The following ROBO2 variants were observed in gnomAD, a reference collection of about 807,000 sequenced individuals.
ROBO2 encodes the protein roundabout guidance receptor 2, also known as roundabout homolog 2.
Under a neutral mutation model 160.8 loss-of-function variants are expected in ROBO2, and 53 were observed. That is an observed-to-expected ratio of 0.33 (90% CI 0.26 to 0.41). ROBO2 has a LOEUF of 0.41. Among genes scored for constraint, ROBO2 ranks in the 10% least tolerant of loss-of-function variants. The pLI is 1.00. For synonymous variants in ROBO2, 664 were observed against 611.7 expected (o/e 1.09, Z -1.26); for missense variants, 1,577 against 1,722.4 (o/e 0.92, Z 1.49).
At chr3:76,222,485 C>T (rs1165454142) in intron 2 of ROBO2, among the ~76,000 whole-genome samples, 2 of 151,948 alleles carry the variant, frequency 1.3e-5, no homozygotes, top group Non-Finnish European at 2.9e-5. Context: ...CCCGCCCAAC[C>T]CTTGAGATCT....
At chr3:77,264,225 G>A (rs2058975375) in intron 2 of ROBO2, among the ~76,000 whole-genome samples, 1 of 152,180 alleles carries the variant, frequency 6.6e-6, no homozygotes, top group African/African-American at 2.4e-5. Context: ...TATATAAGTA[G>A]TTATAAAAAC....
chr3:77,562,685 C>T, exon 10 of ROBO2: 2 of 1,612,680 alleles, frequency 1.2e-6, no homozygotes, highest in African/African-American at 1.3e-5. Context: ...TGTGTGGCTA[C>T]AAGTTCAAGT....
intron 2 of ROBO2, among the ~76,000 whole-genome samples, chr3:76,683,470 A>AC (rs1314428517): frequency 6.6e-6 from 1 of 151,366 alleles, no homozygotes; most frequent in Non-Finnish European, 1.5e-5. Context: ...ACCGAAAAAA[A>AC]AAAAAAAAAA....
intron 2 of ROBO2, among the ~76,000 whole-genome samples, chr3:77,320,888 A>C (rs1229123955): frequency 6.6e-6 from 1 of 152,132 alleles, no homozygotes; most frequent in Non-Finnish European, 1.5e-5. Context: ...ACTAAAATCG[A>C]GTTTCCTAAA....
intron 2 of ROBO2, among the ~76,000 whole-genome samples, chr3:77,263,349 C>G (rs967911893): frequency 6.6e-6 from 1 of 152,054 alleles, no homozygotes; most frequent in Non-Finnish European, 1.5e-5. Context: ...TATTTCATCA[C>G]CCAAATATTA....
chr3:76,259,349 A>T (rs930362750), intron 2 of ROBO2, among the ~76,000 whole-genome samples: 1 of 152,132 alleles, frequency 6.6e-6, no homozygotes, highest in Non-Finnish European at 1.5e-5. Context: ...TATGAAGTGT[A>T]AAGTTTATTC....
At chr3:76,441,949 C>G (rs2076942206) in intron 2 of ROBO2, among the ~76,000 whole-genome samples, 1 of 151,974 alleles carries the variant, frequency 6.6e-6, no homozygotes, top group South Asian at 2.1e-4. Flanking sequence ...ACAGAGGAAG[C>G]AAGAAAGAAG....
chr3:76,227,448 G>T (rs907699216), intron 2 of ROBO2, among the ~76,000 whole-genome samples: 1 of 152,024 alleles, frequency 6.6e-6, no homozygotes, highest in Non-Finnish European at 1.5e-5. Context: ...TACATACTTT[G>T]TACACCTCAA....
chr3:76,477,356 G>T (rs1280942722), intron 2 of ROBO2, among the ~76,000 whole-genome samples: 1 of 152,118 alleles, frequency 6.6e-6, no homozygotes, highest in Admixed American at 6.6e-5. Flanking sequence ...TTATAAATCA[G>T]ATGATTATAA....
intron 2 of ROBO2, among the ~76,000 whole-genome samples, chr3:77,151,381 C>A (rs544904891): frequency 6.6e-6 from 1 of 152,076 alleles, no homozygotes; most frequent in African/African-American, 2.4e-5. Flanking sequence ...ATAGGAATCC[C>A]TTACTTAAGG....
intron 2 of ROBO2, among the ~76,000 whole-genome samples, chr3:76,817,554 A>G (rs2065779911): frequency 6.6e-6 from 1 of 151,996 alleles, no homozygotes; most frequent in Non-Finnish European, 1.5e-5. Flanking sequence ...TACATGAATA[A>G]GTTTTTGGTG....
In ROBO2 at chr3:76,829,080, A is replaced by T. The variant is rs2066835461; in HGVS notation, c.110-268934A>T. Among the ~76,000 whole-genome samples, 2 of 152,002 alleles carry T rather than the reference A, an allele frequency of 1.3e-5. 1 individual carries two copies. Among genetic ancestry groups the T allele is most frequent in the South Asian group, 4.1e-4 (2 of 4,824 alleles). On this transcript the variant is annotated intron_variant, in intron 2 of 26. Coordinates refer to the ROBO2 transcript ENST00000487694. The stretch of plus-strand genomic sequence containing the variant: ...CCCTTTCTCTTTCCTCTAAGACCAC[A>T]TCTGAGTAGTTCCATTCCAATTACA...
chr3:77,642,924 C>G (rs2095369295), intron 24 of ROBO2: 1 of 456,438 alleles, frequency 2.2e-6, no homozygotes, highest in African/African-American at 2.0e-5. Context: ...AAGCCCCACA[C>G]AAACAAGGTG....
intron 2 of ROBO2, among the ~76,000 whole-genome samples, chr3:76,914,243 T>A (rs942295318): frequency 1.3e-5 from 2 of 152,174 alleles, no homozygotes; most frequent in Admixed American, 1.3e-4. Flanking sequence ...TTAAATAGAT[T>A]GCACACATCT....
chr3:76,057,348 G>A (rs571831309), intron 2 of ROBO2, among the ~76,000 whole-genome samples: 1 of 152,204 alleles, frequency 6.6e-6, no homozygotes, highest in East Asian at 1.9e-4. Flanking sequence ...TACCTCAGGA[G>A]GAACAAAGCT....
intron 2 of ROBO2, among the ~76,000 whole-genome samples, chr3:77,451,917 T>G (rs549075907): frequency 1.7e-4 from 26 of 152,148 alleles, no homozygotes; most frequent in African/African-American, 6.0e-4. Flanking sequence ...ATGCTATCCC[T>G]CCCCCAACCA....
intron 2 of ROBO2, among the ~76,000 whole-genome samples, chr3:76,006,784 T>C (rs2107591788): frequency 6.6e-6 from 1 of 152,222 alleles, no homozygotes; most frequent in Non-Finnish European, 1.5e-5. Flanking sequence ...TATTTTACCT[T>C]TCTAAAATTT....
intron 2 of ROBO2, among the ~76,000 whole-genome samples, chr3:76,708,606 G>A (rs1223235615): frequency 1.3e-5 from 2 of 152,142 alleles, no homozygotes; most frequent in Admixed American, 1.3e-4. Flanking sequence ...AGATGTAGCA[G>A]AAAAACAAAA....
intron 2 of ROBO2, among the ~76,000 whole-genome samples, chr3:76,976,540 G>A (rs1202481059): frequency 6.6e-6 from 1 of 152,136 alleles, no homozygotes; most frequent in Non-Finnish European, 1.5e-5. Flanking sequence ...TGGCTGGTAA[G>A]TAGCCTCATG....
Sources: gnomAD v4.1 joint callset for allele counts (sites outside exome capture counted in the v4.1 genomes callset) on GRCh38, gnomAD v4.1.1 for gene constraint, MANE v1.5 for transcripts, NCBI Gene and HGNC (gene_info 2026-07-23, HGNC 2026-07-21) for gene names.